The following CRB1 variants were observed in gnomAD, a reference collection of about 807,000 sequenced individuals.
CRB1 encodes protein crumbs homolog 1.
CRB1 carries 83 observed loss-of-function variants against 120.0 expected under a neutral mutation model. The observed-to-expected ratio is 0.69, with a 90% CI of 0.58 to 0.83. CRB1 has a LOEUF of 0.83. Among genes scored for constraint, CRB1 ranks in the 40% least tolerant of loss-of-function variants. The pLI is 0.00. For missense variants in CRB1, 1,699 were observed against 1,687.6 expected (o/e 1.01, Z -0.12); for synonymous variants, 625 against 612.5 (o/e 1.02, Z -0.30).
At chr1:197,228,000 C>T in the CRB1 span, among the ~76,000 whole-genome samples, 1 of 152,184 alleles carries the variant, frequency 6.6e-6, no homozygotes, top group East Asian at 1.9e-4. Context: ...ACCTTGGCCC[C>T]TTTTAGCAAT....
chr1:197,300,113 A>G (rs1025458784), intron 1 of CRB1, among the ~76,000 whole-genome samples: 1 of 151,776 alleles, frequency 6.6e-6, no homozygotes, highest in African/African-American at 2.4e-5. Context: ...TTCTCTCCCT[A>G]TTCTCAGGCC....
chr1:197,462,242 C>A (rs944725518), intron 11 of CRB1, among the ~76,000 whole-genome samples: 3 of 152,052 alleles, frequency 2.0e-5, no homozygotes, highest in African/African-American at 7.2e-5. Flanking sequence ...GACTGTATTA[C>A]CATCCTCATC....
In CRB1 at chr1:197,338,779, TA is replaced by T. The variant is rs1381727668; in HGVS notation, c.653-5500del. Among the ~76,000 whole-genome samples, 4 of 152,234 alleles carry T rather than the reference TA, an allele frequency of 2.6e-5. No individual in the cohort carries two copies. In the East Asian group the frequency reaches 7.7e-4, roughly 29 times the overall value. ...AATATAATCAAATAGTTAAATAAAA[TA>T]ATGACAAAGCATTAATAATATTTAT... On this transcript the variant is annotated intron_variant, in intron 2 of 11. Transcript: ENST00000367400.
In CRB1 at chr1:197,276,385, T is replaced by A. The variant is rs963190870; in HGVS notation, c.70+7903T>A. 8.4e-4 allele frequency among the ~76,000 whole-genome samples: 128 copies of A among 151,948 alleles called. 1 individual carries two copies. The highest frequency in any genetic ancestry group is 3.4e-3 in the Middle Eastern group (1 of 294). ...TTTACTATTTATTCCATAATTTTTTTATTTACTTATTTATCCAATAAGTAT... is the reference window on the plus strand; with the variant it reads ...TTTACTATTTATTCCATAATTTTTTAATTTACTTATTTATCCAATAAGTAT... On this transcript the variant is annotated intron_variant, in intron 1 of 11. Transcript: ENST00000367400.
At position 197,442,745 on chromosome 1, in the gene CRB1, T is replaced by C. The variant is rs1665515645; in HGVS notation, c.4005+453T>C. ...TTCTTCCCACTCCATTTCTGGGTATTTTCACATTTTAAGTTGCCCTCCATC... is the reference window on the plus strand; with the variant it reads ...TTCTTCCCACTCCATTTCTGGGTATCTTCACATTTTAAGTTGCCCTCCATC... On this transcript the variant is annotated intron_variant, in intron 11 of 11. Coordinates refer to ENST00000367400, the MANE Select transcript of CRB1 (RefSeq NM_201253.3). 6.1e-5 allele frequency: 17 copies of C among 279,162 alleles called. 1 individual carries two copies. In the South Asian group the frequency reaches 9.8e-4, roughly 16 times the overall value. The allele number at this position is 279,162 out of a possible 1,614,324, so 17.3% of individuals were successfully genotyped here. A position where few individuals can be genotyped will look rare whatever the true frequency, so the allele number is the denominator to read the frequency against.
the CRB1 span, among the ~76,000 whole-genome samples, chr1:197,244,983 CTGTT>C: frequency 1.3e-5 from 2 of 151,852 alleles, no homozygotes; most frequent in African/African-American, 4.8e-5. Flanking sequence ...GTTTGTTTGT[CTGTT>C]TGTTTAGGTT....
At chr1:197,365,665 C>A (rs1429010155) in intron 5 of CRB1, among the ~76,000 whole-genome samples, 3 of 92,520 alleles carry the variant, frequency 3.2e-5, no homozygotes, top group South Asian at 3.3e-4. Context: ...TTGTTTAATT[C>A]TCTTTGCCCA....
At chr1:197,374,964 T>C (rs1661568385) in intron 5 of CRB1, among the ~76,000 whole-genome samples, 1 of 152,106 alleles carries the variant, frequency 6.6e-6, no homozygotes, top group African/African-American at 2.4e-5. Flanking sequence ...CCCAATCTGA[T>C]TGATGGGCAG....
intron 1 of CRB1, among the ~76,000 whole-genome samples, chr1:197,292,678 C>T (rs889515230): frequency 1.3e-5 from 2 of 151,966 alleles, no homozygotes; most frequent in Non-Finnish European, 2.9e-5. Flanking sequence ...ACTGGCAAAC[C>T]GAATCCAGCA....
At chr1:197,313,406 A>G (rs1657664065) in intron 1 of CRB1, among the ~76,000 whole-genome samples, 1 of 152,228 alleles carries the variant, frequency 6.6e-6, no homozygotes, top group South Asian at 2.1e-4. Context: ...AATTAGGCCA[A>G]TTGAGATATA....
intron 5 of CRB1, chr1:197,413,859 C>A (rs2125454883): frequency 2.2e-6 from 1 of 449,194 alleles, no homozygotes. Context: ...AAGAACAAGC[C>A]CACACTTCTG....
intron 10 of CRB1, 60 bp from the exon 11 acceptor site, chr1:197,442,106 A>G (rs373346337): frequency 3.8e-5 from 61 of 1,612,582 alleles, no homozygotes; most frequent in Non-Finnish European, 5.2e-5. Context: ...TTTTCTTCCC[A>G]TTTCACAACC....
the CRB1 span, among the ~76,000 whole-genome samples, chr1:197,252,276 T>C: frequency 0.58 from 87,457 of 150,830 alleles, 28,948 homozygotes; most frequent in East Asian, 0.91. Flanking sequence ...TTTGATTTTT[T>C]TAACCATTTA....
At chr1:197,222,862 G>T in the CRB1 span, 1 of 1,509,528 alleles carries the variant, frequency 6.6e-7, no homozygotes, top group Non-Finnish European at 9.2e-7. Flanking sequence ...GAGCTGGCAG[G>T]TTTGGATGAA....
intron 8 of CRB1, among the ~76,000 whole-genome samples, chr1:197,434,393 T>C (rs1001022188): frequency 2.0e-5 from 3 of 152,122 alleles, no homozygotes; most frequent in African/African-American, 2.4e-5. Flanking sequence ...AAATGTATAG[T>C]TTTGGTTTTG....
chr1:197,358,910 T>A (rs1401936599), intron 5 of CRB1, among the ~76,000 whole-genome samples: 2 of 152,178 alleles, frequency 1.3e-5, no homozygotes, highest in East Asian at 3.8e-4. Flanking sequence ...GATAACCAAT[T>A]TGACACAATA....
At chr1:197,453,491 T>C (rs938021778) in intron 11 of CRB1, among the ~76,000 whole-genome samples, 11 of 146,254 alleles carry the variant, frequency 7.5e-5, no homozygotes, top group Non-Finnish European at 1.3e-4. Context: ...TAACTGTGTG[T>C]GTATATATAT....
At position 197,290,072 on chromosome 1, in the gene CRB1, T is replaced by C. The variant is rs532949829; in HGVS notation, c.70+21590T>C. Reference sequence around the variant, plus strand: ...TTTCTGCTAACTTGTTCCTTGTTTGTTTTTCTTATGACTTATAATTTTTTA... The same window carrying C: ...TTTCTGCTAACTTGTTCCTTGTTTGCTTTTCTTATGACTTATAATTTTTTA... On this transcript the variant is annotated intron_variant, in intron 1 of 11. Transcript: ENST00000367400. 2.0e-5 allele frequency among the ~76,000 whole-genome samples: 3 copies of C among 151,954 alleles called. No individual in the cohort carries two copies. In the East Asian group the frequency reaches 5.8e-4, roughly 30 times the overall value.
At chr1:197,354,034 A>G (rs1329507589) in intron 4 of CRB1, among the ~76,000 whole-genome samples, 4 of 150,800 alleles carry the variant, frequency 2.7e-5, no homozygotes, top group African/African-American at 7.3e-5. Flanking sequence ...AAAAAAAAAA[A>G]ACACCCCCAA....
Sources: allele counts gnomAD v4.1 joint callset (sites outside exome capture counted in the v4.1 genomes callset), GRCh38; gene constraint gnomAD v4.1.1; transcripts MANE v1.5; gene names NCBI Gene and HGNC (gene_info 2026-07-23, HGNC 2026-07-21).